The following USP6NL variants were observed in gnomAD, a reference collection of about 807,000 sequenced individuals.
USP6NL encodes USP6 N-terminal like.
In USP6NL, 26 loss-of-function variants were observed where a neutral mutation model predicts 61.9. The observed-to-expected ratio is 0.42, with a 90% CI of 0.31 to 0.58. USP6NL has a LOEUF of 0.58. Ranked by LOEUF, USP6NL falls within the 20% of genes least tolerant of loss-of-function variation. USP6NL has a pLI of 0.16. For synonymous variants in USP6NL, 432 were observed against 390.1 expected (o/e 1.11, Z -1.27); for missense variants, 1,114 against 1,034.3 (o/e 1.08, Z -1.06).
Position 11,466,030 on chromosome 10 carries a change from T to C in USP6NL, c.1079-2181A>G, listed in dbSNP as rs1288059242. On this transcript the variant is annotated intron_variant, in intron 14 of 14. Coordinates refer to ENST00000609104, the MANE Select transcript of USP6NL (RefSeq NM_014688.5). ...AACTGGGCAAAGCAAATGTGGAAGG[T>C]AGACACAGGCAGTAACAACCCTATA... 2.6e-5 allele frequency among the ~76,000 whole-genome samples: 4 copies of C among 152,288 alleles called. No individual in the cohort carries two copies. The East Asian group carries it at 5.8e-4, about 22-fold the overall frequency.
chr10:11,478,094 GT>G lies in USP6NL; in HGVS notation c.1078+3675del, dbSNP rs1833042448. On this transcript the variant is annotated intron_variant, in intron 14 of 14. Coordinates refer to ENST00000609104, the MANE Select transcript of USP6NL (RefSeq NM_014688.5). The surrounding 1 kb of genome is among the most constrained non-coding windows in gnomAD (Gnocchi z 6.8). ...AAATATTATTAAAAGGATACCAAGA[GT>G]TTTCCTAACCAGTTAGAAAGAAATG... 6.6e-6 allele frequency among the ~76,000 whole-genome samples: 1 copy of G among 152,198 alleles called. No individual in the cohort carries two copies. Among genetic ancestry groups the G allele is most frequent in the African/African-American group, 2.4e-5 (1 of 41,458 alleles).
At chr10:11,601,025 TAGAAA>T (rs1258629908) in intron 1 of USP6NL, among the ~76,000 whole-genome samples, 1 of 151,822 alleles carries the variant, frequency 6.6e-6, no homozygotes, top group Non-Finnish European at 1.5e-5. Context: ...CATGTGGCTA[TAGAAA>T]GTCTTTCATG....
intron 6 of USP6NL, among the ~76,000 whole-genome samples, chr10:11,507,145 C>T (rs866374864): frequency 2.4e-4 from 36 of 152,116 alleles, no homozygotes; most frequent in African/African-American, 6.0e-4. Context: ...TAGAATTGTT[C>T]GTTTTTAGAG....
At position 11,482,091 on chromosome 10, in the gene USP6NL, T is replaced by C. The variant is rs772812902; in HGVS notation, c.926-169A>G. On this transcript the variant is annotated intron_variant, in intron 13 of 14. Coordinates refer to ENST00000609104, the MANE Select transcript of USP6NL (RefSeq NM_014688.5). This position sits in a 1 kb window ranked among gnomAD's most constrained non-coding sequence, Gnocchi z 4.0. ...ATTAAAACTCAGTAAGACAAAAATA[T>C]TGCCTGATATTAAAGCAGCCACAGA... Among the ~76,000 whole-genome samples, 1 of 152,268 alleles carries C rather than the reference T, an allele frequency of 6.6e-6. No individual in the cohort carries two copies. Among genetic ancestry groups the C allele is most frequent in the East Asian group, 1.9e-4 (1 of 5,180 alleles).
rs1326250215 is a variant in USP6NL at position 11,510,542 on chromosome 10, G to A, written c.196-867C>T. On this transcript the variant is annotated intron_variant, in intron 5 of 14. Transcript: ENST00000609104. This position sits in a 1 kb window ranked among gnomAD's most constrained non-coding sequence, Gnocchi z 4.8. ...CACTCAAGTGAAATTCAGGGGCAAG[G>A]CTGCGGAATGGGGAAAGTGAGACGG... Among the ~76,000 whole-genome samples, 1 of 152,158 alleles carries A rather than the reference G, an allele frequency of 6.6e-6. No individual in the cohort carries two copies. Among genetic ancestry groups the A allele is most frequent in the Non-Finnish European group, 1.5e-5 (1 of 68,016 alleles).
At position 11,537,143 on chromosome 10, in the gene USP6NL, CT is replaced by C. The variant is rs1444512648; in HGVS notation, c.5-9577del. Among the ~76,000 whole-genome samples, 1 of 152,200 alleles carries C rather than the reference CT, an allele frequency of 6.6e-6. No individual in the cohort carries two copies. The highest frequency in any genetic ancestry group is 1.5e-5 in the Non-Finnish European group (1 of 68,040). ...TTGTTTGTTTTGAGACAAGGTCTCACTCTGCCGCCCAGACTGGAGTGCAGTG... is the reference window on the plus strand; with the variant it reads ...TTGTTTGTTTTGAGACAAGGTCTCACCTGCCGCCCAGACTGGAGTGCAGTG... On this transcript the variant is annotated intron_variant, in intron 2 of 14. Coordinates refer to ENST00000609104, the MANE Select transcript of USP6NL (RefSeq NM_014688.5). This position sits in a 1 kb window ranked among gnomAD's most constrained non-coding sequence, Gnocchi z 5.1.
chr10:11,580,080 C>T (rs1309127448), intron 2 of USP6NL, among the ~76,000 whole-genome samples: 1 of 151,334 alleles, frequency 6.6e-6, no homozygotes, highest in Non-Finnish European at 1.5e-5. Context: ...ATTTACGTAA[C>T]AGCCTCCACG....
At position 11,587,266 on chromosome 10, in the gene USP6NL, C is replaced by T. The variant is rs1023626329; in HGVS notation, c.4+10365G>A. Among the ~76,000 whole-genome samples the T allele has an allele frequency of 6.6e-6, 1 of 152,022 alleles. No homozygotes were observed. The highest frequency in any genetic ancestry group is 2.4e-5 in the African/African-American group (1 of 41,386). On this transcript the variant is annotated intron_variant, in intron 2 of 14. Transcript: ENST00000609104. This position sits in a 1 kb window ranked among gnomAD's most constrained non-coding sequence, Gnocchi z 4.5. Reference sequence around the variant, plus strand: ...TCTCCCTTAAAACTTGTTTTAAAATCGAAGATTCAAACACCATGACCCCTA... The same window carrying T: ...TCTCCCTTAAAACTTGTTTTAAAATTGAAGATTCAAACACCATGACCCCTA...
rs531039409 is a variant in USP6NL at position 11,558,708 on chromosome 10, C to G, written c.5-31141G>C. Among the ~76,000 whole-genome samples, 15 of 152,282 alleles carry G rather than the reference C, an allele frequency of 9.9e-5. No individual in the cohort carries two copies. The South Asian group carries it at 2.7e-3, about 27-fold the overall frequency. The stretch of plus-strand genomic sequence containing the variant: ...CTATTTACCTCAATATAAACTATAT[C>G]CATTTAATCCTAATGAAATTTAAAG... On this transcript the variant is annotated intron_variant, in intron 2 of 14. Coordinates refer to ENST00000609104, the MANE Select transcript of USP6NL (RefSeq NM_014688.5).
In USP6NL at chr10:11,462,233, A is replaced by G. The variant is rs2096217083; in HGVS notation, c.*208T>C. The stretch of plus-strand genomic sequence containing the variant: ...TTGCGATGTTTCCGGGTTAAATTCT[A>G]ACAGGTCAGTGATGATGCAATTGAA... On this transcript the variant is annotated 3_prime_UTR_variant, in exon 15 of 15. Transcript: ENST00000609104. The G allele has an allele frequency of 1.7e-6, 1 of 580,122 alleles. No individual in the cohort carries two copies. Among genetic ancestry groups the G allele is most frequent in the Non-Finnish European group, 2.9e-6 (1 of 345,586 alleles). The allele number at this position is 580,122 out of a possible 1,614,324, so 35.9% of individuals were successfully genotyped here.
Position 11,462,814 on chromosome 10 carries a change from G to C in USP6NL, c.2114C>G (p.Thr705Ser), listed in dbSNP as rs773626584. The C allele has an allele frequency of 6.8e-6, 11 of 1,614,034 alleles. No homozygotes were observed. The South Asian group carries it at 1.1e-4, about 16-fold the overall frequency. The change falls in exon 15 of 15, where the codon ACT becomes AGT. Residue 705 changes from threonine (T) to serine (S), a missense_variant. By Grantham distance (58) the Thr-to-Ser change is moderately conservative. Transcript: ENST00000609104. ...ATTGCCCGAATATCCCCCAGCACCA[G>C]TGTCAACAGGGAGGACTTCTATTCG... ...SSRIEVLPVD[T>S]GAGGYSGNSG...
At position 11,485,414 on chromosome 10, in the gene USP6NL, T is replaced by C. The variant is rs1243239084; in HGVS notation, c.760-180A>G. Among the ~76,000 whole-genome samples the C allele has an allele frequency of 6.6e-6, 1 of 152,226 alleles. No individual in the cohort carries two copies. Among genetic ancestry groups the C allele is most frequent in the African/African-American group, 2.4e-5 (1 of 41,456 alleles). ...TACAACAATTAGATTCTCTTTAATATATTTTACAGTGAGCTTTCTTTGTTT... is the reference window on the plus strand; with the variant it reads ...TACAACAATTAGATTCTCTTTAATACATTTTACAGTGAGCTTTCTTTGTTT... On this transcript the variant is annotated intron_variant, in intron 11 of 14. Coordinates refer to ENST00000609104, the MANE Select transcript of USP6NL (RefSeq NM_014688.5). This position sits in a 1 kb window ranked among gnomAD's most constrained non-coding sequence, Gnocchi z 4.8.
intron 2 of USP6NL, among the ~76,000 whole-genome samples, chr10:11,558,936 A>G (rs1468874072): frequency 6.6e-6 from 1 of 152,224 alleles, no homozygotes; most frequent in East Asian, 1.9e-4. Flanking sequence ...ATTTAGATCA[A>G]CTACTAACAA....
intron 14 of USP6NL, among the ~76,000 whole-genome samples, chr10:11,472,166 A>G (rs1247711675): frequency 6.6e-6 from 1 of 152,234 alleles, no homozygotes; most frequent in Non-Finnish European, 1.5e-5. Context: ...AACTTGATAC[A>G]TTTTAGAAAA....
At chr10:11,522,314 G>C (rs550406272) in intron 4 of USP6NL, among the ~76,000 whole-genome samples, 1 of 152,252 alleles carries the variant, frequency 6.6e-6, no homozygotes, top group Middle Eastern at 3.4e-3. Context: ...ATTGCAGAAT[G>C]AATCAAAAAT....
chr10:11,522,179 C>T (rs542616536), intron 4 of USP6NL, among the ~76,000 whole-genome samples: 3 of 152,138 alleles, frequency 2.0e-5, no homozygotes, highest in Non-Finnish European at 4.4e-5. Flanking sequence ...TACTGTCACT[C>T]CACATATAAT....
At chr10:11,493,949 C>T (rs564318972) in intron 7 of USP6NL, among the ~76,000 whole-genome samples, 1 of 152,236 alleles carries the variant, frequency 6.6e-6, no homozygotes, top group Admixed American at 6.5e-5. Flanking sequence ...TCTCCACCTG[C>T]TGGGGTGGTT....
rs1591838278 is a variant in USP6NL at position 11,491,756 on chromosome 10, G to T, written c.495-876C>A. On this transcript the variant is annotated intron_variant, in intron 8 of 14. Transcript: ENST00000609104. The surrounding 1 kb of genome is among the most constrained non-coding windows in gnomAD (Gnocchi z 4.7). The stretch of plus-strand genomic sequence containing the variant: ...AGTCAATGGAAAACTACCAATTCAG[G>T]CAGAACTGCTAGGTTCAGATTTTCA... Among the ~76,000 whole-genome samples the T allele has an allele frequency of 6.6e-6, 1 of 152,160 alleles. No individual in the cohort carries two copies. Among genetic ancestry groups the T allele is most frequent in the Admixed American group, 6.5e-5 (1 of 15,288 alleles).
intron 13 of USP6NL, among the ~76,000 whole-genome samples, chr10:11,484,709 A>C (rs549456614): frequency 5.6e-4 from 85 of 152,334 alleles, no homozygotes; most frequent in Non-Finnish European, 8.5e-4. Context: ...AAACCAACTA[A>C]CTGCATTCTA....
Sources: gnomAD v4.1 joint callset for allele counts (sites outside exome capture counted in the v4.1 genomes callset) on GRCh38, gnomAD v4.1.1 for gene constraint, Gnocchi (gnomAD v3.1) non-coding constraint, MANE v1.5 for transcripts, NCBI Gene and HGNC (gene_info 2026-07-23, HGNC 2026-07-21) for gene names.